SND1: variants seen among roughly 807,000 people sequenced by gnomAD.
SND1 encodes staphylococcal nuclease domain-containing protein 1.
SND1 carries 38 observed loss-of-function variants against 121.7 expected under a neutral mutation model. The ratio of observed to expected loss-of-function variants is 0.31; its 90% CI spans 0.24 to 0.41. The LOEUF (loss-of-function observed/expected upper bound fraction) is 0.41. SND1 is among the 10% of genes least tolerant of loss of function. The pLI is 1.00. For synonymous variants in SND1, 401 were observed against 447.4 expected (o/e 0.90, Z 1.31); for missense variants, 868 against 1,184.6 (o/e 0.73, Z 3.92).
intron 13 of SND1, among the ~76,000 whole-genome samples, chr7:127,889,819 T>C (rs903990192): frequency 6.6e-6 from 1 of 152,098 alleles, no homozygotes; most frequent in Non-Finnish European, 1.5e-5. Context: ...CATTATGACC[T>C]CCAGTTCCAT....
chr7:128,013,665 A>G (rs1443961640), intron 16 of SND1, among the ~76,000 whole-genome samples: 2 of 152,228 alleles, frequency 1.3e-5, no homozygotes, highest in Non-Finnish European at 2.9e-5. Flanking sequence ...TTAGATTCGC[A>G]TAAGGAGCAC....
chr7:128,005,721 A>G (rs1266898367), intron 16 of SND1, among the ~76,000 whole-genome samples: 4 of 152,210 alleles, frequency 2.6e-5, no homozygotes. Flanking sequence ...AGCTGGGTGA[A>G]GAAGGAGACT....
intron 10 of SND1, among the ~76,000 whole-genome samples, chr7:127,783,227 G>C (rs911781811): frequency 1.3e-5 from 2 of 152,190 alleles, no homozygotes; most frequent in Non-Finnish European, 2.9e-5. Context: ...TGCTATTACA[G>C]AAGTGAAATC....
intron 16 of SND1, among the ~76,000 whole-genome samples, chr7:128,040,437 T>TAAAAAAAAA (rs67595921): frequency 2.4e-4 from 8 of 32,898 alleles, no homozygotes; most frequent in South Asian, 3.7e-3. Context: ...GTCCTATCTT[T>TAAAAAAAAA]AAAAAAAAAA....
At chr7:127,902,257 A>C (rs1460926885) in intron 13 of SND1, among the ~76,000 whole-genome samples, 8 of 152,232 alleles carry the variant, frequency 5.3e-5, no homozygotes, top group Non-Finnish European at 1.2e-4. Context: ...GTCTGTTTAC[A>C]GAACAGATCT....
At chr7:127,712,536 C>T (rs994015352) in intron 9 of SND1, among the ~76,000 whole-genome samples, 2 of 152,148 alleles carry the variant, frequency 1.3e-5, no homozygotes, top group African/African-American at 4.8e-5. Context: ...CATTTTCATT[C>T]CCAATTGAGA....
At chr7:128,019,829 C>A (rs1436540211) in intron 16 of SND1, among the ~76,000 whole-genome samples, 1 of 152,198 alleles carries the variant, frequency 6.6e-6, no homozygotes, top group African/African-American at 2.4e-5. Flanking sequence ...GGACAATTTC[C>A]TAGCTTTCTG....
intron 12 of SND1, chr7:127,858,278 G>A (rs376288169): frequency 4.1e-5 from 34 of 822,502 alleles, no homozygotes; most frequent in Non-Finnish European, 6.1e-5. Context: ...GAGCCGGTCC[G>A]GGCACTGCGG....
intron 10 of SND1, among the ~76,000 whole-genome samples, chr7:127,770,059 C>T (rs1797486970): frequency 1.3e-5 from 2 of 152,184 alleles, no homozygotes; most frequent in Non-Finnish European, 2.9e-5. Context: ...CCTAACCTTC[C>T]AGCTTTGTGC....
At position 127,797,917 on chromosome 7, in the gene SND1, T is replaced by C. The variant is rs186585721; in HGVS notation, c.1153-9567T>C. On this transcript the variant is annotated intron_variant, in intron 10 of 23. Transcript: ENST00000354725. ...AAGACCTCATGCTTGGCTCCTGCTA[T>C]TTCCTCCCCATCCTTCTCTCTGTCC... Among the ~76,000 whole-genome samples, 27 of 152,336 alleles carry C rather than the reference T, an allele frequency of 1.8e-4. No homozygotes were observed. The East Asian group carries it at 5.0e-3, about 28-fold the overall frequency.
At chr7:128,061,113 G>A (rs1157916539) in intron 16 of SND1, among the ~76,000 whole-genome samples, 1 of 152,182 alleles carries the variant, frequency 6.6e-6, no homozygotes, top group Admixed American at 6.5e-5. Context: ...AAATAGTAGG[G>A]CTGAGGGACT....
At chr7:127,706,243 T>TCC (rs1796193924) in intron 8 of SND1, among the ~76,000 whole-genome samples, 1 of 98,044 alleles carries the variant, frequency 1.0e-5, no homozygotes. Flanking sequence ...TTTAATTTCT[T>TCC]GCCCCCCCTC....
intron 15 of SND1, among the ~76,000 whole-genome samples, chr7:127,975,438 TG>T (rs1802096375): frequency 1.3e-5 from 2 of 150,410 alleles, no homozygotes; most frequent in Admixed American, 1.3e-4. Context: ...TGTGTGTGTG[TG>T]TGTGTGTGTG....
chr7:127,893,298 T>C (rs1338222060), intron 13 of SND1, among the ~76,000 whole-genome samples: 1 of 152,044 alleles, frequency 6.6e-6, no homozygotes, highest in East Asian at 1.9e-4. Context: ...TGAATACAAG[T>C]TGGTAATGTT....
At chr7:127,792,712 G>C (rs1427531209) in intron 10 of SND1, among the ~76,000 whole-genome samples, 1 of 152,176 alleles carries the variant, frequency 6.6e-6, no homozygotes, top group African/African-American at 2.4e-5. Flanking sequence ...AAGGTCTTGG[G>C]ACCCAGACCT....
At chr7:127,813,256 A>G (rs1798365431) in intron 11 of SND1, among the ~76,000 whole-genome samples, 1 of 152,130 alleles carries the variant, frequency 6.6e-6, no homozygotes, top group Non-Finnish European at 1.5e-5. Flanking sequence ...TTCATTTTAG[A>G]TGCTCTTTAC....
At chr7:127,923,419 C>G (rs1000296924) in intron 14 of SND1, among the ~76,000 whole-genome samples, 5 of 152,126 alleles carry the variant, frequency 3.3e-5, no homozygotes, top group Non-Finnish European at 7.4e-5. Flanking sequence ...CCTGGTCTCT[C>G]TAGTACACAT....
chr7:127,747,171 A>G (rs181200595), intron 10 of SND1, among the ~76,000 whole-genome samples: 9 of 152,324 alleles, frequency 5.9e-5, no homozygotes, highest in Non-Finnish European at 1.2e-4. Flanking sequence ...GCTACTTTCC[A>G]GGTCGACCAA....
chr7:128,066,500 T>C (rs1331078886), intron 16 of SND1, among the ~76,000 whole-genome samples: 2 of 152,166 alleles, frequency 1.3e-5, no homozygotes, highest in Non-Finnish European at 2.9e-5. Flanking sequence ...CAGTAGCACA[T>C]GGAAAATCCG....
Sources: gnomAD v4.1 joint callset for allele counts (sites outside exome capture counted in the v4.1 genomes callset) on GRCh38, gnomAD v4.1.1 for gene constraint, MANE v1.5 for transcripts, NCBI Gene and HGNC (gene_info 2026-07-23, HGNC 2026-07-21) for gene names.